ST6GAL1: variants seen among roughly 807,000 people sequenced by gnomAD.
ST6GAL1 encodes beta-galactoside alpha-2,6-sialyltransferase 1.
A neutral mutation model predicts 38.0 loss-of-function variants in ST6GAL1; 20 were observed. That is an observed-to-expected ratio of 0.53 (90% CI 0.37 to 0.77). ST6GAL1 has a LOEUF of 0.77. Ranked by LOEUF, ST6GAL1 falls within the 30% of genes least tolerant of loss-of-function variation. The pLI, the probability that ST6GAL1 is intolerant of heterozygous loss-of-function variation, is 0.00. For synonymous variants in ST6GAL1, 196 were observed against 188.2 expected (o/e 1.04, Z -0.34); for missense variants, 432 against 496.4 (o/e 0.87, Z 1.23).
intron 1 of ST6GAL1, among the ~76,000 whole-genome samples, chr3:186,937,747 T>C (rs1714017171): frequency 6.6e-6 from 1 of 152,120 alleles, no homozygotes; most frequent in African/African-American, 2.4e-5. Context: ...CACATCTAAC[T>C]TTCTCTTATT....
Position 186,951,729 on chromosome 3 carries a change from G to A in ST6GAL1, c.-324-12056G>A, listed in dbSNP as rs567210578. Among the ~76,000 whole-genome samples the A allele has an allele frequency of 9.2e-5, 14 of 152,214 alleles. No homozygotes were observed. The East Asian group carries it at 1.7e-3, about 19-fold the overall frequency. ...CTTACCTGAAAAAATAATGGCAGTC[G>A]GAGGAAAACTTTCATACCTTTTGTC... On this transcript the variant is annotated intron_variant, in intron 1 of 7. Coordinates refer to ENST00000169298, the MANE Select transcript of ST6GAL1 (RefSeq NM_173216.2).
Position 187,005,801 on chromosome 3 carries a change from T to G in ST6GAL1, c.-182-32941T>G, listed in dbSNP as rs140000459. ...AGAGAGGGACCTATAAAATAATTGA[T>G]TACTGTCAACCAGAAAGTGCTACTA... On this transcript the variant is annotated intron_variant, in intron 2 of 7. Transcript: ENST00000169298. Among the ~76,000 whole-genome samples the G allele has an allele frequency of 3.3e-3, 495 of 152,210 alleles. 3 individuals carry two copies. The highest frequency in any genetic ancestry group is 0.011 in the African/African-American group (465 of 41,522).
At chr3:186,993,411 C>T (rs1027616513) in intron 2 of ST6GAL1, among the ~76,000 whole-genome samples, 2 of 152,164 alleles carry the variant, frequency 1.3e-5, no homozygotes, top group Admixed American at 6.5e-5. Context: ...CCTGTTCTCT[C>T]AAGCGTGTTA....
At chr3:187,069,483 A>G (rs1348588894) in intron 5 of ST6GAL1, among the ~76,000 whole-genome samples, 1 of 152,246 alleles carries the variant, frequency 6.6e-6, no homozygotes, top group African/African-American at 2.4e-5. Flanking sequence ...CCTGAGGTCC[A>G]GGAGTCCCCT....
At chr3:186,960,764 GT>G (rs943207220) in intron 1 of ST6GAL1, among the ~76,000 whole-genome samples, 2 of 148,440 alleles carry the variant, frequency 1.3e-5, no homozygotes, top group African/African-American at 2.5e-5. Context: ...TTTGTTTTCT[GT>G]TTTTTTTTTA....
chr3:186,964,388 A>G (rs1253229968), intron 2 of ST6GAL1: 3 of 152,248 alleles, frequency 2.0e-5, no homozygotes, highest in Non-Finnish European at 4.4e-5. Flanking sequence ...TGGGAAGCTC[A>G]CTAAAAATTG....
chr3:187,053,648 A>G (rs979803151), intron 5 of ST6GAL1, among the ~76,000 whole-genome samples: 19 of 152,128 alleles, frequency 1.2e-4, no homozygotes, highest in African/African-American at 4.1e-4. Flanking sequence ...GTTCTGTTCT[A>G]TTCGTCTATA....
At chr3:186,946,236 C>T (rs1465225414) in intron 1 of ST6GAL1, among the ~76,000 whole-genome samples, 4 of 151,730 alleles carry the variant, frequency 2.6e-5, no homozygotes, top group African/African-American at 9.7e-5. Flanking sequence ...TGGCTTGAAC[C>T]CAGGAAGCGG....
At chr3:187,052,612 A>C (rs1560177589) in intron 5 of ST6GAL1, among the ~76,000 whole-genome samples, 1 of 152,162 alleles carries the variant, frequency 6.6e-6, no homozygotes, top group Non-Finnish European at 1.5e-5. Flanking sequence ...CCATGTCCCC[A>C]CAAAGGACAT....
chr3:187,064,295 G>T (rs1018167809), intron 5 of ST6GAL1, among the ~76,000 whole-genome samples: 2 of 152,214 alleles, frequency 1.3e-5, no homozygotes, highest in Admixed American at 1.3e-4. Flanking sequence ...TGGAGTAAAG[G>T]AGTTGAACTA....
At chr3:187,060,210 G>A (rs1718862035) in intron 5 of ST6GAL1, among the ~76,000 whole-genome samples, 1 of 152,170 alleles carries the variant, frequency 6.6e-6, no homozygotes, top group South Asian at 2.1e-4. Context: ...ACCCGGGCTG[G>A]AGTGCAGTGG....
intron 5 of ST6GAL1, chr3:187,064,694 C>T (rs184812271): frequency 1.3e-5 from 6 of 449,604 alleles, no homozygotes; most frequent in Admixed American, 9.5e-5. Flanking sequence ...GAGTCCTGGC[C>T]GCTCCATGAC....
intron 2 of ST6GAL1, among the ~76,000 whole-genome samples, chr3:187,008,803 C>T (rs1560160989): frequency 6.6e-6 from 1 of 152,084 alleles, no homozygotes; most frequent in Non-Finnish European, 1.5e-5. Flanking sequence ...AGATTTATTT[C>T]CTTTAAGTCT....
At chr3:187,069,261 A>G (rs1411784252) in intron 5 of ST6GAL1, among the ~76,000 whole-genome samples, 1 of 152,052 alleles carries the variant, frequency 6.6e-6, no homozygotes, top group Non-Finnish European at 1.5e-5. Flanking sequence ...CAGCCTTCCA[A>G]GTAGCTGGGA....
intron 1 of ST6GAL1, among the ~76,000 whole-genome samples, chr3:186,939,199 G>A (rs1297038499): frequency 1.3e-5 from 2 of 151,140 alleles, no homozygotes; most frequent in South Asian, 2.1e-4. Flanking sequence ...CTCAGCCTCC[G>A]AGTAGCTGGG....
Position 186,963,908 on chromosome 3 carries a change from T to C in ST6GAL1, c.-201T>C, listed in dbSNP as rs973900969. The C allele has an allele frequency of 6.6e-6, 1 of 152,344 alleles. No individual in the cohort carries two copies. Among genetic ancestry groups the C allele is most frequent in the Non-Finnish European group, 1.5e-5 (1 of 68,152 alleles). 9.4% of individuals were successfully genotyped at this position (152,344 alleles called of 1,614,324 possible). A position where few individuals can be genotyped will look rare whatever the true frequency, so the allele number is the denominator to read the frequency against. On this transcript the variant is annotated 5_prime_UTR_variant, in exon 2 of 8. Coordinates refer to ENST00000169298, the MANE Select transcript of ST6GAL1 (RefSeq NM_173216.2). ...GCCTGTCCCAAGCCCTGGTGCCAGG[T>C]GTCCATCCCCGTGCTGAGGTAAGAC...
At chr3:187,017,693 G>T (rs1717162545) in intron 2 of ST6GAL1, among the ~76,000 whole-genome samples, 1 of 152,216 alleles carries the variant, frequency 6.6e-6, no homozygotes, top group African/African-American at 2.4e-5. Flanking sequence ...TTGCACTTCA[G>T]TGATTCTGGC....
At position 187,043,052 on chromosome 3, in the gene ST6GAL1, CTA is replaced by C; in HGVS notation, c.350_351del (p.Leu117GlnfsTer47). On this transcript the variant is annotated frameshift_variant, in exon 4 of 8. Transcript: ENST00000169298. LOFTEE classifies it high-confidence loss of function. ...PRLQKIWKNY[L>X]SMNKYKVSYK... ...GCTGCAAAAGATCTGGAAGAATTACCTAAGCATGAACAAGTACAAAGTGTCCT... is the reference window on the plus strand; with the variant it reads ...GCTGCAAAAGATCTGGAAGAATTACCAGCATGAACAAGTACAAAGTGTCCT... 6 of 1,614,088 alleles carry C rather than the reference CTA, an allele frequency of 3.7e-6. No individual in the cohort carries two copies. Among genetic ancestry groups the C allele is most frequent in the African/African-American group, 1.3e-5 (1 of 74,934 alleles).
At chr3:187,030,821 G>T (rs1717722129) in intron 2 of ST6GAL1, among the ~76,000 whole-genome samples, 1 of 152,198 alleles carries the variant, frequency 6.6e-6, no homozygotes, top group African/African-American at 2.4e-5. Context: ...ACAGTTGTGT[G>T]TGGTCTGGGG....
Sources: allele counts gnomAD v4.1 joint callset (sites outside exome capture counted in the v4.1 genomes callset), GRCh38; gene constraint gnomAD v4.1.1; transcripts MANE v1.5; gene names NCBI Gene and HGNC (gene_info 2026-07-23, HGNC 2026-07-21).